Variants in GOLPH3L observed in about 807,000 individuals in gnomAD.
GOLPH3L encodes the protein Golgi phosphoprotein 3-like.
In GOLPH3L, 22 loss-of-function variants were observed where a neutral mutation model predicts 30.3. The observed-to-expected ratio is 0.73, with a 90% CI of 0.52 to 1.04. GOLPH3L has a LOEUF of 1.04. GOLPH3L is among the 50% of genes least tolerant of loss of function. The pLI is 0.00. For synonymous variants in GOLPH3L, 120 were observed against 128.2 expected (o/e 0.94, Z 0.43); for missense variants, 303 against 345.8 (o/e 0.88, Z 0.98).
At chr1:150,686,898 A>C (rs1018718916) in intron 2 of GOLPH3L, among the ~76,000 whole-genome samples, 4 of 152,192 alleles carry the variant, frequency 2.6e-5, no homozygotes, top group Non-Finnish European at 4.4e-5. Flanking sequence ...CTTTTATACC[A>C]ATAGTAAATA....
At chr1:150,656,399 T>C (rs1650241964) in intron 4 of GOLPH3L, among the ~76,000 whole-genome samples, 1 of 152,170 alleles carries the variant, frequency 6.6e-6, no homozygotes. Context: ...ACCTATGCCA[T>C]GAGCAATCTA....
chr1:150,677,010 A>G (rs1314304860), intron 2 of GOLPH3L, among the ~76,000 whole-genome samples: 1 of 151,806 alleles, frequency 6.6e-6, no homozygotes, highest in Non-Finnish European at 1.5e-5. Context: ...CAGACTCCCA[A>G]AGTGCTGGGA....
intron 2 of GOLPH3L, among the ~76,000 whole-genome samples, chr1:150,674,252 G>T (rs994978232): frequency 7.1e-6 from 1 of 140,240 alleles, no homozygotes; most frequent in Non-Finnish European, 1.6e-5. Flanking sequence ...GTAACCTACA[G>T]AGTGGGAGAA....
chr1:150,677,542 A>G (rs1431762867), intron 2 of GOLPH3L, among the ~76,000 whole-genome samples: 1 of 151,892 alleles, frequency 6.6e-6, no homozygotes, highest in East Asian at 1.9e-4. Context: ...CCCAGCCTAC[A>G]TGTGTAATTT....
intron 2 of GOLPH3L, among the ~76,000 whole-genome samples, chr1:150,688,210 C>A (rs587597026): frequency 3.9e-5 from 6 of 152,278 alleles, no homozygotes; most frequent in Admixed American, 2.0e-4. Flanking sequence ...GTGCTTTATA[C>A]AATTTTCTGG....
intron 1 of GOLPH3L, 28 bp from the exon 2 acceptor site, chr1:150,694,878 C>T (rs1039041894): frequency 1.9e-5 from 23 of 1,229,576 alleles, no homozygotes; most frequent in Non-Finnish European, 2.7e-5. Flanking sequence ...AAAAAAAATC[C>T]ATATGTATGC....
chr1:150,654,399 G>C (rs1025670981), intron 4 of GOLPH3L, among the ~76,000 whole-genome samples: 1 of 151,664 alleles, frequency 6.6e-6, no homozygotes, highest in South Asian at 2.1e-4. Flanking sequence ...CCTGCTACTC[G>C]GGAGGCTGAG....
intron 4 of GOLPH3L, among the ~76,000 whole-genome samples, chr1:150,651,791 A>G (rs950945814): frequency 7.9e-5 from 12 of 152,012 alleles, no homozygotes; most frequent in Admixed American, 3.3e-4. Flanking sequence ...AGAAAAGAGA[A>G]TGAAGAAAAA....
At chr1:150,651,289 G>A (rs1650098174) in intron 4 of GOLPH3L, among the ~76,000 whole-genome samples, 1 of 151,622 alleles carries the variant, frequency 6.6e-6, no homozygotes, top group African/African-American at 2.4e-5. Flanking sequence ...CTCCAGCCTG[G>A]GCAACAAAGC....
chr1:150,648,909 C>T (rs182237000), intron 4 of GOLPH3L, among the ~76,000 whole-genome samples, 161 bp from the exon 5 acceptor site: 30 of 152,360 alleles, frequency 2.0e-4, no homozygotes, highest in Non-Finnish European at 3.4e-4. Flanking sequence ...TTGACTCCAA[C>T]CACATTTCAC....
intron 4 of GOLPH3L, among the ~76,000 whole-genome samples, chr1:150,651,100 T>C (rs1474088725): frequency 1.3e-5 from 2 of 152,222 alleles, no homozygotes; most frequent in Non-Finnish European, 2.9e-5. Flanking sequence ...GTGGATCATT[T>C]GAGGCCAGGA....
intron 4 of GOLPH3L, among the ~76,000 whole-genome samples, chr1:150,661,130 A>C (rs1391350756): frequency 6.6e-6 from 1 of 152,196 alleles, no homozygotes; most frequent in Non-Finnish European, 1.5e-5. Context: ...TGGGAGGCTG[A>C]GGCAGGAGAA....
chr1:150,677,877 T>C (rs1271720939), intron 2 of GOLPH3L, among the ~76,000 whole-genome samples: 1 of 151,392 alleles, frequency 6.6e-6, no homozygotes, highest in African/African-American at 2.4e-5. Flanking sequence ...CCTCCCACCT[T>C]GGCCTCCCAA....
chr1:150,649,855 G>C (rs1345706605), intron 4 of GOLPH3L, among the ~76,000 whole-genome samples: 1 of 152,050 alleles, frequency 6.6e-6, no homozygotes. Flanking sequence ...ATAATAGCCG[G>C]GTGTGGTGGT....
intron 2 of GOLPH3L, among the ~76,000 whole-genome samples, chr1:150,688,702 G>C (rs1651145997): frequency 6.6e-6 from 1 of 152,162 alleles, no homozygotes; most frequent in Admixed American, 6.5e-5. Context: ...AGTGAGCCAA[G>C]ATCACGCCAC....
chr1:150,657,851 C>T (rs920396463), intron 4 of GOLPH3L, among the ~76,000 whole-genome samples: 1 of 152,234 alleles, frequency 6.6e-6, no homozygotes, highest in African/African-American at 2.4e-5. Context: ...CCATATACAA[C>T]TGAATCTAGC....
chr1:150,695,115 C>T (rs1247304131), intron 1 of GOLPH3L, among the ~76,000 whole-genome samples: 1 of 152,020 alleles, frequency 6.6e-6, no homozygotes, highest in Admixed American at 6.6e-5. Context: ...ATCTTTCAAG[C>T]CTGTTGACTT....
intron 4 of GOLPH3L, among the ~76,000 whole-genome samples, chr1:150,649,586 T>C (rs1650058317): frequency 6.6e-6 from 1 of 152,056 alleles, no homozygotes; most frequent in Non-Finnish European, 1.5e-5. Context: ...CCAAGAAAAG[T>C]CCTTCTGGAA....
chr1:150,681,850 T>A (rs1175374964), intron 2 of GOLPH3L, among the ~76,000 whole-genome samples: 1 of 152,088 alleles, frequency 6.6e-6, no homozygotes, highest in African/African-American at 2.4e-5. Context: ...GTGGATCACC[T>A]GAGGCCATGA....
Sources: allele counts gnomAD v4.1 joint callset (sites outside exome capture counted in the v4.1 genomes callset), GRCh38; gene constraint gnomAD v4.1.1; transcripts MANE v1.5; gene names NCBI Gene and HGNC (gene_info 2026-07-23, HGNC 2026-07-21).